The following LYZL2 variants were observed in gnomAD, a reference collection of about 807,000 sequenced individuals.
The protein encoded by LYZL2 is lysozyme like 2.
Under a neutral mutation model 17.1 loss-of-function variants are expected in LYZL2, and 13 were observed. The observed-to-expected ratio is 0.76, with a 90% CI of 0.49 to 1.21. The LOEUF (loss-of-function observed/expected upper bound fraction) is 1.21, where lower values mean the gene tolerates loss of function less well. Among genes scored for constraint, LYZL2 ranks in the 50% most tolerant of loss-of-function variants. The pLI, the probability that LYZL2 is intolerant of heterozygous loss-of-function variation, is 0.00. For synonymous variants in LYZL2, 63 were observed against 74.4 expected, an observed-to-expected ratio of 0.85 and a Z score of 0.79; for missense variants, 166 against 189.2, an observed-to-expected ratio of 0.88 and a Z score of 0.72.
chr10:30,610,115 G>T (rs1470985610), downstream of LYZL2, among the ~76,000 whole-genome samples: 1 of 71,516 alleles, frequency 1.4e-5, no homozygotes, highest in African/African-American at 6.9e-5. Context: ...AACAATAGCT[G>T]ATGAGCTAAA....
In LYZL2 at chr10:30,611,865, G is replaced by A; in HGVS notation, c.*90C>T. On this transcript the variant is annotated 3_prime_UTR_variant, in exon 5 of 5. Transcript: ENST00000647634. ...TCTCCAAGTTTGAGAAGGAATATTG[G>A]GAGGAAACGGGACAAGATGACACAG... 3.8e-6 allele frequency: 6 copies of A among 1,597,750 alleles called. No individual in the cohort carries two copies. The highest frequency in any genetic ancestry group is 8.5e-7 in the Non-Finnish European group (1 of 1,175,074).
chr10:30,608,300 G>T (rs890145100), downstream of LYZL2, among the ~76,000 whole-genome samples: 21 of 152,164 alleles, frequency 1.4e-4, no homozygotes, highest in Admixed American at 1.3e-4. Context: ...AGTAACTGTT[G>T]TTTATTGGGA....
chr10:30,611,530 A>AGAAAGAAGGAAG (rs1838433982), downstream of LYZL2, among the ~76,000 whole-genome samples: 3 of 80,424 alleles, frequency 3.7e-5, no homozygotes, highest in Non-Finnish European at 4.9e-5. Flanking sequence ...GGAAAAAGAA[A>AGAAAGAAGGAAG]GAAGGAAGGA....
chr10:30,609,421 A>AAGG (rs1361847423), downstream of LYZL2, among the ~76,000 whole-genome samples: 4 of 152,366 alleles, frequency 2.6e-5, no homozygotes, highest in African/African-American at 9.6e-5. Flanking sequence ...AACCAGGAGC[A>AAGG]AGGACATCTG....
At chr10:30,625,131 T>C (rs1463290341) in intron 3 of LYZL2, among the ~76,000 whole-genome samples, 1 of 152,172 alleles carries the variant, frequency 6.6e-6, no homozygotes, top group Non-Finnish European at 1.5e-5. Flanking sequence ...AAAACAGGCC[T>C]GTGAGCACCT....
chr10:30,610,555 G>A (rs969195897), downstream of LYZL2, among the ~76,000 whole-genome samples: 1 of 152,098 alleles, frequency 6.6e-6, no homozygotes, highest in Admixed American at 6.6e-5. Flanking sequence ...GGGGTTGGGG[G>A]AAAGGAGACG....
chr10:30,609,790 A>G (rs781060286), downstream of LYZL2, among the ~76,000 whole-genome samples: 13 of 152,248 alleles, frequency 8.5e-5, no homozygotes, highest in African/African-American at 7.2e-5. Context: ...GCATAGAAGT[A>G]GTCATTTCCT....
chr10:30,629,132 C>A (rs1838766377), intron 1 of LYZL2, among the ~76,000 whole-genome samples: 1 of 152,218 alleles, frequency 6.6e-6, no homozygotes. Flanking sequence ...GTGGCCCACA[C>A]CTGTAATCTC....
At position 30,620,564 on chromosome 10, in the gene LYZL2, A is replaced by G. The variant is rs561520872; in HGVS notation, c.298+5541T>C. Among the ~76,000 whole-genome samples the G allele has an allele frequency of 1.4e-4, 21 of 152,348 alleles. No individual in the cohort carries two copies. In the South Asian group the frequency reaches 4.4e-3, roughly 32 times the overall value. ...CTAAGAAGACAGGACCCGAGGACTC[A>G]CAAGAGCCGTCAACACATACACTGT... On this transcript the variant is annotated intron_variant, in intron 3 of 4. Transcript: ENST00000647634.
At chr10:30,607,759 T>A (rs1838392973), downstream of LYZL2, among the ~76,000 whole-genome samples, 1 of 152,148 alleles carries the variant, frequency 6.6e-6, no homozygotes, top group Non-Finnish European at 1.5e-5. Context: ...GGCTGCGGCT[T>A]TTTTGCAAGC....
intron 3 of LYZL2, among the ~76,000 whole-genome samples, chr10:30,625,163 G>A (rs1302062781): frequency 1.3e-5 from 2 of 152,220 alleles, no homozygotes; most frequent in East Asian, 1.9e-4. Context: ...CTGTGAATCC[G>A]CTGGCACTCT....
At chr10:30,627,796 G>A (rs1305808006) in intron 1 of LYZL2, among the ~76,000 whole-genome samples, 3 of 152,280 alleles carry the variant, frequency 2.0e-5, no homozygotes, top group East Asian at 3.9e-4. Flanking sequence ...GATCAACTGG[G>A]TGTGTAGAAA....
downstream of LYZL2, among the ~76,000 whole-genome samples, chr10:30,607,412 G>A (rs139206508): frequency 6.6e-6 from 1 of 152,082 alleles, no homozygotes; most frequent in African/African-American, 2.4e-5. Context: ...TAAGGAAACG[G>A]ATTCTTTACC....
intron 3 of LYZL2, among the ~76,000 whole-genome samples, chr10:30,621,857 A>G (rs982393321): frequency 6.6e-6 from 1 of 152,250 alleles, no homozygotes; most frequent in Non-Finnish European, 1.5e-5. Context: ...AATAGATACT[A>G]TAAAACTTTT....
chr10:30,626,227 G>A lies in LYZL2; in HGVS notation c.176C>T (p.Thr59Ile). ...GTCATCCAGGACCGTCTGGGCTGTGGTGTTGTAGCCGCTCTCATAATACGC... is the reference window on the plus strand; with the variant it reads ...GTCATCCAGGACCGTCTGGGCTGTGATGTTGTAGCCGCTCTCATAATACGC... The part of the protein sequence containing the change: ...CMAYYESGYN[T>I]TAQTVLDDGS... The change falls in exon 3 of 5, where the codon ACC (threonine) becomes ATC (isoleucine). Residue 59 changes from threonine to isoleucine, a missense_variant. Around this residue, in one of 2 missense-constraint regions of LYZL2, gnomAD observed 134 missense variants for 129.4 expected, o/e 1.04. Coordinates refer to ENST00000647634, the MANE Select transcript of LYZL2 (RefSeq NM_183058.3). 1 of 1,614,284 alleles carries A rather than the reference G, an allele frequency of 6.2e-7. No individual in the cohort carries two copies. Among genetic ancestry groups the A allele is most frequent in the Non-Finnish European group, 8.5e-7 (1 of 1,180,044 alleles).
chr10:30,606,990 T>C (rs1200857041), downstream of LYZL2, among the ~76,000 whole-genome samples: 1 of 151,354 alleles, frequency 6.6e-6, no homozygotes, highest in Non-Finnish European at 1.5e-5. Context: ...CTTGGCTTGC[T>C]GCCTCCACCT....
downstream of LYZL2, among the ~76,000 whole-genome samples, chr10:30,610,787 A>G (rs1436705915): frequency 6.6e-6 from 1 of 152,178 alleles, no homozygotes; most frequent in Non-Finnish European, 1.5e-5. Flanking sequence ...GTTTTCTTCA[A>G]TAGCAAGATA....
At chr10:30,606,765 C>T in the LYZL2 span, among the ~76,000 whole-genome samples, 1 of 152,126 alleles carries the variant, frequency 6.6e-6, no homozygotes, top group East Asian at 1.9e-4. Flanking sequence ...ATCAACTTTG[C>T]TCTATCACCA....
chr10:30,625,043 G>A (rs1008019281), intron 3 of LYZL2, among the ~76,000 whole-genome samples: 29 of 152,038 alleles, frequency 1.9e-4, no homozygotes, highest in African/African-American at 5.1e-4. Flanking sequence ...ATCTCAGTTC[G>A]ACACCCCCAA....
Sources: allele counts gnomAD v4.1 joint callset (sites outside exome capture counted in the v4.1 genomes callset), GRCh38; gene constraint gnomAD v4.1.1; regional missense constraint gnomAD v4.1.1; transcripts MANE v1.5; gene names NCBI Gene and HGNC (gene_info 2026-07-23, HGNC 2026-07-21).